LARS2: variants seen among roughly 807,000 people sequenced by gnomAD.
The protein encoded by LARS2 is leucyl-tRNA synthetase 2, mitochondrial.
A neutral mutation model predicts 116.6 loss-of-function variants in LARS2; 81 were observed. The observed-to-expected ratio is 0.69, with a 90% CI of 0.58 to 0.84. The LOEUF (loss-of-function observed/expected upper bound fraction) is 0.84, where lower values mean the gene tolerates loss of function less well. Ranked by LOEUF, LARS2 falls within the 40% of genes least tolerant of loss-of-function variation. The pLI is 0.00. For synonymous variants in LARS2, 396 were observed against 407.2 expected (o/e 0.97, Z 0.33); for missense variants, 968 against 1,114.5 (o/e 0.87, Z 1.87).
At chr3:45,400,029 G>A (rs1698117328) in intron 3 of LARS2, among the ~76,000 whole-genome samples, 1 of 151,968 alleles carries the variant, frequency 6.6e-6, no homozygotes, top group Non-Finnish European at 1.5e-5. Context: ...ACACTTAGAG[G>A]TTGTTTGGCA....
chr3:45,458,761 C>A lies in LARS2; in HGVS notation c.625C>A (p.Pro209Thr), dbSNP rs148494354. The A allele has an allele frequency of 1.2e-6, 2 of 1,614,084 alleles. No individual in the cohort carries two copies. Among genetic ancestry groups the A allele is most frequent in the Admixed American group, 1.7e-5 (1 of 60,020 alleles). The change falls in exon 8 of 22, where the codon CCA (proline) becomes ACA (threonine). Residue 209 changes from proline to threonine, a missense_variant. By Grantham distance (38) the Pro-to-Thr change is conservative. Coordinates refer to ENST00000645846, the MANE Select transcript of LARS2 (RefSeq NM_015340.4). ...TATACAGGCCCTGGTTAACTGGGAC[C>A]CAGTGGATCAAACAGTGCTTGCCAA... Reference protein sequence around the residue: ...YQKEALVNWDPVDQTVLANEQ... With the variant: ...YQKEALVNWDTVDQTVLANEQ...
chr3:45,483,589 C>G (rs937848987), intron 10 of LARS2, among the ~76,000 whole-genome samples: 1 of 152,206 alleles, frequency 6.6e-6, no homozygotes, highest in East Asian at 1.9e-4. Context: ...GCAGAGGTTG[C>G]AGTGAGCTGA....
chr3:45,476,684 C>T (rs954040873), intron 10 of LARS2, 57 bp downstream of exon 10: 13 of 1,579,572 alleles, frequency 8.2e-6, no homozygotes, highest in East Asian at 2.2e-5. Context: ...ATTTGGATGG[C>T]GCCTCCCAGA....
chr3:45,488,993 A>G (rs769045931), intron 12 of LARS2, among the ~76,000 whole-genome samples, 181 bp downstream of exon 12: 2 of 152,224 alleles, frequency 1.3e-5, no homozygotes, highest in Non-Finnish European at 2.9e-5. Flanking sequence ...CCAATTGTAA[A>G]TCAAATTCAG....
chr3:45,519,893 C>T (rs1489218384), intron 18 of LARS2: 1 of 202,678 alleles, frequency 4.9e-6, no homozygotes, highest in East Asian at 1.5e-4. Flanking sequence ...AGTAATCCAC[C>T]CACCTCGGCC....
At chr3:45,403,371 C>CA (rs1698185487) in intron 4 of LARS2, among the ~76,000 whole-genome samples, 2 of 151,802 alleles carry the variant, frequency 1.3e-5, no homozygotes, top group Admixed American at 1.3e-4. Flanking sequence ...GGCTGGAGTG[C>CA]AATGGTGCGA....
intron 6 of LARS2, among the ~76,000 whole-genome samples, chr3:45,423,494 A>G (rs1160646574): frequency 6.6e-6 from 1 of 151,938 alleles, no homozygotes; most frequent in Non-Finnish European, 1.5e-5. Flanking sequence ...TGTATTGTTG[A>G]AGAGACGGGG....
intron 15 of LARS2, among the ~76,000 whole-genome samples, chr3:45,501,432 G>A (rs1309728095): frequency 6.6e-6 from 1 of 151,946 alleles, no homozygotes; most frequent in Non-Finnish European, 1.5e-5. Context: ...TATATTTCAG[G>A]TATTCTGTCT....
At chr3:45,435,031 A>G (rs2125697054) in intron 6 of LARS2, among the ~76,000 whole-genome samples, 1 of 152,334 alleles carries the variant, frequency 6.6e-6, no homozygotes, top group African/African-American at 2.4e-5. Flanking sequence ...GATCAACAGG[A>G]CAGAATCATC....
intron 9 of LARS2, 109 bp downstream of exon 9, chr3:45,474,459 C>T (rs749797984): frequency 5.3e-5 from 27 of 506,128 alleles, no homozygotes; most frequent in African/African-American, 2.7e-4. Flanking sequence ...ACAGTCCAAA[C>T]GTGTACAATT....
intron 18 of LARS2, among the ~76,000 whole-genome samples, chr3:45,519,331 A>C (rs952221246): frequency 4.0e-5 from 6 of 151,506 alleles, no homozygotes; most frequent in Non-Finnish European, 8.8e-5. Flanking sequence ...TTCTACTAAA[A>C]ACACAAAAAA....
At chr3:45,467,771 A>C (rs1381830610) in intron 8 of LARS2, among the ~76,000 whole-genome samples, 1 of 152,138 alleles carries the variant, frequency 6.6e-6, no homozygotes, top group Non-Finnish European at 1.5e-5. Flanking sequence ...GGTAATTGTT[A>C]ATTTTCTTCT....
chr3:45,437,266 G>C (rs1698823877), intron 6 of LARS2, among the ~76,000 whole-genome samples: 1 of 152,178 alleles, frequency 6.6e-6, no homozygotes, highest in Non-Finnish European at 1.5e-5. Context: ...TCTAGCATTT[G>C]TCATTTCCAA....
chr3:45,450,979 G>A (rs1271057348), intron 7 of LARS2, among the ~76,000 whole-genome samples: 2 of 151,948 alleles, frequency 1.3e-5, no homozygotes, highest in East Asian at 1.9e-4. Context: ...TTAGCCATTT[G>A]TATGTCTTCT....
Position 45,394,664 on chromosome 3 carries a change from G to A in LARS2, c.211G>A (p.Ala71Thr), listed in dbSNP as rs1559453846. 1 of 1,613,572 alleles carries A rather than the reference G, an allele frequency of 6.2e-7. No individual in the cohort carries two copies. Among genetic ancestry groups the A allele is most frequent in the Non-Finnish European group, 8.5e-7 (1 of 1,179,520 alleles). ...GTGGCATCAACGAATAAAAGAACAG[G>A]CCTCCAAAATTTCAGAAGCTGATGT... is the stretch of plus-strand genomic sequence containing the variant. Reference protein sequence around the residue: ...KWWHQRIKEQASKISEADKSK... With the variant: ...KWWHQRIKEQTSKISEADKSK... Residue 71 changes from alanine to threonine, a missense_variant, in exon 3 of 22, where the codon GCC becomes ACC. By Grantham distance (58) the Ala-to-Thr change is moderately conservative. Transcript: ENST00000645846.
In LARS2 at chr3:45,485,928, A is replaced by G. The variant is rs139508387; in HGVS notation, c.1123+132A>G. On this transcript the variant is annotated intron_variant, in intron 11 of 21. Coordinates refer to ENST00000645846, the MANE Select transcript of LARS2 (RefSeq NM_015340.4). Reference sequence around the variant, plus strand: ...CTGATTTGCCTCCTCATAAAAATGAATAACCCTTCATTTAATCATCCCTTG... The same window carrying G: ...CTGATTTGCCTCCTCATAAAAATGAGTAACCCTTCATTTAATCATCCCTTG... The G allele has an allele frequency of 2.3e-4, 126 of 550,982 alleles. 1 individual carries two copies. Among genetic ancestry groups the G allele is most frequent in the African/African-American group, 2.3e-3 (120 of 53,212 alleles). 34.1% of individuals were successfully genotyped at this position (550,982 alleles called of 1,614,324 possible).
At chr3:45,444,791 T>C (rs1017175526) in intron 6 of LARS2, among the ~76,000 whole-genome samples, 4 of 150,564 alleles carry the variant, frequency 2.7e-5, no homozygotes, top group South Asian at 2.1e-4. Context: ...TGTGTGTATA[T>C]ATAAAATATG....
chr3:45,549,339 C>T lies in LARS2; in HGVS notation c.*1809C>T, dbSNP rs919388847. On this transcript the variant is annotated 3_prime_UTR_variant, in exon 22 of 22. Coordinates refer to ENST00000645846, the MANE Select transcript of LARS2 (RefSeq NM_015340.4). Reference sequence around the variant, plus strand: ...GGCCAGAAGTCTAGAGTGCTAGAGCCGACTTGAATGTACTCAGTCTCATTG... The same window carrying T: ...GGCCAGAAGTCTAGAGTGCTAGAGCTGACTTGAATGTACTCAGTCTCATTG... The T allele has an allele frequency of 5.3e-5, 8 of 152,228 alleles. No homozygotes were observed. The highest frequency in any genetic ancestry group is 3.4e-3 in the Middle Eastern group (1 of 294). The allele number at this position is 152,228 out of a possible 1,614,324, so 9.4% of individuals were successfully genotyped here.
intron 8 of LARS2, among the ~76,000 whole-genome samples, chr3:45,473,707 T>A (rs977616829): frequency 2.2e-4 from 33 of 150,938 alleles, no homozygotes; most frequent in Middle Eastern, 6.8e-3. Flanking sequence ...TTTTTTTTTT[T>A]ATCACACATT....
Sources: gnomAD v4.1 joint callset for allele counts (sites outside exome capture counted in the v4.1 genomes callset) on GRCh38, gnomAD v4.1.1 for gene constraint, MANE v1.5 for transcripts, NCBI Gene and HGNC (gene_info 2026-07-23, HGNC 2026-07-21) for gene names.